The following FLNB variants were observed in gnomAD, a reference collection of about 807,000 sequenced individuals.
The protein encoded by FLNB is filamin-B.
A neutral mutation model predicts 250.6 loss-of-function variants in FLNB; 111 were observed. The observed-to-expected ratio is 0.44, with a 90% CI of 0.38 to 0.52. FLNB has a LOEUF of 0.52. Ranked by LOEUF, FLNB falls within the 20% of genes least tolerant of loss-of-function variation. The pLI is 0.00. For missense variants in FLNB, 2,869 were observed against 3,447.8 expected (o/e 0.83, Z 4.20); for synonymous variants, 1,302 against 1,372.1 (o/e 0.95, Z 1.13).
rs765653420 is a variant in FLNB at position 58,145,914 on chromosome 3, A to G, written c.5426-7A>G. On this transcript the variant is annotated splice_region_variant and splice_polypyrimidine_tract_variant and intron_variant, in intron 32 of 45. Coordinates refer to ENST00000295956, the MANE Select transcript of FLNB (RefSeq NM_001457.4). ...ACCAATTTTGTTTGTGTCCTTCGTA[A>G]ACCCAGAGAGCCCACTCCAGTTCTA... is the stretch of plus-strand genomic sequence containing the variant. 1 of 1,614,110 alleles carries G rather than the reference A, an allele frequency of 6.2e-7. No individual in the cohort carries two copies. Among genetic ancestry groups the G allele is most frequent in the South Asian group, 1.1e-5 (1 of 91,072 alleles).
At chr3:58,051,565 G>A (rs551372706) in intron 1 of FLNB, among the ~76,000 whole-genome samples, 2 of 152,306 alleles carry the variant, frequency 1.3e-5, no homozygotes, top group East Asian at 3.9e-4. Context: ...GTGAGGTCTA[G>A]TTGCACACAG....
intron 4 of FLNB, among the ~76,000 whole-genome samples, chr3:58,086,415 T>G (rs2097217454): frequency 6.6e-6 from 1 of 151,944 alleles, no homozygotes; most frequent in Non-Finnish European, 1.5e-5. Flanking sequence ...ACTTCCCAAC[T>G]GCCAATCTCA....
rs2097374837 is a variant in FLNB, at chr3:58,168,491, T to C, written c.7250T>C (p.Leu2417Ser). 6.2e-7 allele frequency: 1 copy of C among 1,614,072 alleles called. No individual in the cohort carries two copies. The highest frequency in any genetic ancestry group is 1.7e-5 in the Admixed American group (1 of 60,010). ...ACCACCCGAGCAGGTCCAGGGACAT[T>C]ATCCGTCACCATCGAAGGCCCATCC... ...INTTRAGPGT[L>S]SVTIEGPSKV... The change falls in exon 44 of 46, where the codon TTA (leucine) becomes TCA (serine). Residue 2417 changes from leucine to serine, a missense_variant. Physicochemically the swap from Leu to Ser is moderately radical, Grantham distance 145. Around this residue, in one of 5 missense-constraint regions of FLNB, gnomAD observed 1,084 missense variants for 1,315.5 expected, o/e 0.82. Coordinates refer to ENST00000295956, the MANE Select transcript of FLNB (RefSeq NM_001457.4).
In FLNB at chr3:58,106,801, C is replaced by A; in HGVS notation, c.1869C>A (p.Asp623Glu). Reference protein sequence around the residue: ...PGEYAVHIMCDDEDIKDSPYM... With the variant: ...PGEYAVHIMCEDEDIKDSPYM... The stretch of plus-strand genomic sequence containing the variant: ...AATATGCTGTTCACATCATGTGTGA[C>A]GACGAAGACATCAAGGACAGCCCGT... Residue 623 changes from aspartate to glutamate, a missense_variant, in exon 12 of 46, where the codon GAC (aspartate) becomes GAA (glutamate). This residue lies in a region of FLNB where 1,348 missense variants were observed against 1,466.7 expected (regional missense o/e 0.92). Transcript: ENST00000295956. 6.2e-7 allele frequency: 1 copy of A among 1,614,022 alleles called. No individual in the cohort carries two copies.
Position 58,097,880 on chromosome 3 carries a change from C to T in FLNB, c.1050C>T (p.Ala350=), listed in dbSNP as rs760129272. ...CATTTGAAGTGAGTGTTGACAAGGC[C>T]CAGGGAGATGCCAGTAAAGTCACTG... ...KSPFEVSVDK[A]QGDASKVTAK... The change falls in exon 7 of 46, where the codon GCC becomes GCT. Residue 350 remains alanine, a synonymous_variant. Transcript: ENST00000295956. 4.3e-6 allele frequency: 7 copies of T among 1,614,056 alleles called. No individual in the cohort carries two copies. The Admixed American group carries it at 8.3e-5, about 19-fold the overall frequency.
chr3:58,105,181 T>G lies in FLNB; in HGVS notation c.1712T>G (p.Val571Gly), dbSNP rs775779120. ...GGIVGRSADF[V>G]VESIGSEVGS... ...ATTGTCGGGCGGTCAGCGGACTTCG[T>G]GGTAGAATCCATTGGCTCTGAAGTG... Residue 571 changes from valine (V) to glycine (G), a missense_variant, in exon 11 of 46, where the codon GTG becomes GGG. Physicochemically the swap from Val to Gly is moderately radical, Grantham distance 109. Coordinates refer to ENST00000295956, the MANE Select transcript of FLNB (RefSeq NM_001457.4). 1.2e-6 allele frequency: 2 copies of G among 1,614,190 alleles called. No individual in the cohort carries two copies. Among genetic ancestry groups the G allele is most frequent in the Non-Finnish European group, 1.7e-6 (2 of 1,180,034 alleles).
chr3:58,061,750 CA>C (rs574215546), intron 1 of FLNB, among the ~76,000 whole-genome samples: 1,670 of 82,890 alleles, frequency 0.02, 7 homozygotes, highest in African/African-American at 0.039. Flanking sequence ...CCCTGGCCTC[CA>C]AAAAAAAAAA....
chr3:58,070,425 T>G (rs1398723152), intron 1 of FLNB, among the ~76,000 whole-genome samples: 2 of 152,132 alleles, frequency 1.3e-5, no homozygotes, highest in Non-Finnish European at 2.9e-5. Flanking sequence ...ATTTGGTAGA[T>G]GAGGAAAAAT....
chr3:58,170,104 T>G (rs2107346304), intron 45 of FLNB, among the ~76,000 whole-genome samples: 1 of 152,340 alleles, frequency 6.6e-6, no homozygotes, highest in Non-Finnish European at 1.5e-5. Flanking sequence ...GTTCTAAAAC[T>G]TATTTAGCCA....
chr3:58,057,560 G>C, intron 1 of FLNB, among the ~76,000 whole-genome samples: 1 of 152,178 alleles, frequency 6.6e-6, no homozygotes, highest in East Asian at 1.9e-4. Flanking sequence ...TGGCTGCTGG[G>C]CTAGGGAACA....
Position 58,142,808 on chromosome 3 carries a change from G to GC in FLNB, c.5284+56_5284+57insC. 1 of 1,480,376 alleles carries GC rather than the reference G, an allele frequency of 6.8e-7. No individual in the cohort carries two copies. Among genetic ancestry groups the GC allele is most frequent in the Non-Finnish European group, 9.4e-7 (1 of 1,060,758 alleles). The allele number at this position is 1,480,376 out of a possible 1,614,324, so 91.7% of individuals were successfully genotyped here. ...CTCACTTGCTCTCACGAGCTTCCCAGAATGGTGCTGGGGAGGTGTGTCCAC... is the reference window on the plus strand; with the variant it reads ...CTCACTTGCTCTCACGAGCTTCCCAGCAATGGTGCTGGGGAGGTGTGTCCAC... On this transcript the variant is annotated intron_variant, in intron 31 of 45. Coordinates refer to ENST00000295956, the MANE Select transcript of FLNB (RefSeq NM_001457.4). This position sits in a 1 kb window ranked among gnomAD's most constrained non-coding sequence, Gnocchi z 4.3.
At chr3:58,099,345 T>C (rs1405336674) in intron 8 of FLNB, among the ~76,000 whole-genome samples, 1 of 152,136 alleles carries the variant, frequency 6.6e-6, no homozygotes, top group Non-Finnish European at 1.5e-5. Flanking sequence ...GTGCTATTAT[T>C]ATCCCTAGCT....
intron 42 of FLNB, chr3:58,162,702 G>C: frequency 4.5e-6 from 1 of 221,338 alleles, no homozygotes; most frequent in Non-Finnish European, 9.1e-6. Context: ...CTGGAGTTCA[G>C]CTGAGTAAGC....
At chr3:58,132,515 A>G (rs935466332) in intron 25 of FLNB, 33 of 501,450 alleles carry the variant, frequency 6.6e-5, no homozygotes, top group Non-Finnish European at 1.0e-4. Context: ...CATCATCCAC[A>G]TACACCCTCC....
At chr3:58,115,265 A>G (rs1224200797) in intron 18 of FLNB, among the ~76,000 whole-genome samples, 1 of 152,222 alleles carries the variant, frequency 6.6e-6, no homozygotes, top group African/African-American at 2.4e-5. Flanking sequence ...CTTTGTTGCC[A>G]AATTCTCCAT....
intron 1 of FLNB, among the ~76,000 whole-genome samples, chr3:58,030,986 T>C (rs2097130033): frequency 6.6e-6 from 1 of 152,202 alleles, no homozygotes; most frequent in African/African-American, 2.4e-5. Flanking sequence ...GAGATTTCCA[T>C]ATGCTATGAT....
chr3:58,150,294 G>A (rs1253168155), intron 38 of FLNB, 67 bp downstream of exon 38: 2 of 1,599,838 alleles, frequency 1.3e-6, no homozygotes, highest in African/African-American at 2.7e-5. Flanking sequence ...GGGTGCCTTT[G>A]GGAACCAAGT....
At chr3:58,027,400 C>T (rs2097124975) in intron 1 of FLNB, among the ~76,000 whole-genome samples, 1 of 152,082 alleles carries the variant, frequency 6.6e-6, no homozygotes, top group Admixed American at 6.6e-5. Flanking sequence ...CTCAGCCTCC[C>T]AAAGTGTTAG....
chr3:58,074,207 T>A (rs1445150651), intron 1 of FLNB, among the ~76,000 whole-genome samples: 5 of 152,210 alleles, frequency 3.3e-5, no homozygotes, highest in African/African-American at 1.2e-4. Flanking sequence ...TTATTGGAAA[T>A]TCAAATTCTC....
Sources: allele counts gnomAD v4.1 joint callset (sites outside exome capture counted in the v4.1 genomes callset), GRCh38; gene constraint gnomAD v4.1.1; regional missense constraint gnomAD v4.1.1; non-coding constraint Gnocchi (gnomAD v3.1); transcripts MANE v1.5; gene names NCBI Gene and HGNC (gene_info 2026-07-23, HGNC 2026-07-21).